USP49: variants seen among roughly 807,000 people sequenced by gnomAD.
USP49 encodes ubiquitin specific peptidase 49.
In USP49, 24 loss-of-function variants were observed where a neutral mutation model predicts 58.6. That is an observed-to-expected ratio of 0.41 (90% CI 0.30 to 0.58). The LOEUF is 0.58. USP49 is among the 20% of genes least tolerant of loss of function. The probability of loss-of-function intolerance (pLI) is 0.30; values close to 1 mark genes in which losing one functional copy is unlikely to be tolerated. For missense variants in USP49, 703 were observed against 866.1 expected, an observed-to-expected ratio of 0.81 and a Z score of 2.36; for synonymous variants, 408 against 365.1, an observed-to-expected ratio of 1.12 and a Z score of -1.34.
intron 3 of USP49, among the ~76,000 whole-genome samples, chr6:41,850,462 AAAAT>A (rs1554146451): frequency 4.1e-5 from 6 of 146,784 alleles, no homozygotes; most frequent in Admixed American, 1.4e-4. Flanking sequence ...AAAAAAAAAA[AAAAT>A]AAATAAATAA....
At chr6:41,877,241 G>GAAAT in intron 2 of USP49, among the ~76,000 whole-genome samples, 1 of 152,274 alleles carries the variant, frequency 6.6e-6, no homozygotes, top group East Asian at 1.9e-4. Context: ...GAATTATTGT[G>GAAAT]AAATACAAAG....
chr6:41,885,616 T>C (rs1046626566), intron 2 of USP49, among the ~76,000 whole-genome samples: 1 of 152,102 alleles, frequency 6.6e-6, no homozygotes, highest in Middle Eastern at 3.2e-3. Flanking sequence ...CTGGCCAACA[T>C]GTCGAAACCT....
intron 3 of USP49, among the ~76,000 whole-genome samples, chr6:41,821,723 G>A (rs537297488): frequency 3.9e-5 from 6 of 152,198 alleles, no homozygotes; most frequent in South Asian, 2.1e-4. Context: ...GCAGTGAGCC[G>A]AGATCGCACC....
chr6:41,863,680 G>A (rs77947436), intron 3 of USP49, among the ~76,000 whole-genome samples: 2,524 of 152,218 alleles, frequency 0.017, 54 homozygotes, highest in African/African-American at 0.05. Flanking sequence ...GTATGTGATA[G>A]TGCCTAGCAC....
rs62396750 is a variant in USP49, at chr6:41,831,763, A to G, written c.-28-24752T>C. On this transcript the variant is annotated intron_variant, in intron 3 of 7. Transcript: ENST00000682992. The stretch of plus-strand genomic sequence containing the variant: ...TTTTAATGGGCTGTCTGTATGATAA[A>G]GTCCAAGTTCCTCAGACAGACCTTC... Among the ~76,000 whole-genome samples, 265 of 152,312 alleles carry G rather than the reference A, an allele frequency of 1.7e-3. 1 individual carries two copies. The highest frequency in any genetic ancestry group is 3.1e-3 in the Non-Finnish European group (210 of 68,026).
At chr6:41,817,495 T>C (rs1310071254) in intron 3 of USP49, among the ~76,000 whole-genome samples, 2 of 145,680 alleles carry the variant, frequency 1.4e-5, no homozygotes, top group Non-Finnish European at 3.0e-5. Flanking sequence ...AGTCTTGCTC[T>C]GTCGCCCAGG....
chr6:41,839,436 A>AAAAAAAT (rs71545918), intron 3 of USP49, among the ~76,000 whole-genome samples: 1 of 132,908 alleles, frequency 7.5e-6, no homozygotes, highest in Non-Finnish European at 1.6e-5. Context: ...AAAAAAAAAA[A>AAAAAAAT]GTCTGCAAGA....
At chr6:41,819,397 T>C (rs1773415170) in intron 3 of USP49, among the ~76,000 whole-genome samples, 1 of 152,144 alleles carries the variant, frequency 6.6e-6, no homozygotes, top group African/African-American at 2.4e-5. Flanking sequence ...AAAGGAATCA[T>C]GGTTCATCCC....
intron 3 of USP49, among the ~76,000 whole-genome samples, chr6:41,838,887 A>G (rs1157605722): frequency 6.6e-6 from 1 of 152,202 alleles, no homozygotes; most frequent in Non-Finnish European, 1.5e-5. Context: ...ATCCTCTCAG[A>G]CCACAGTGGA....
chr6:41,819,492 A>C (rs1315259268), intron 3 of USP49, among the ~76,000 whole-genome samples: 4 of 152,158 alleles, frequency 2.6e-5, no homozygotes, highest in African/African-American at 9.7e-5. Context: ...TACATATCAA[A>C]GTGTATATAT....
intron 3 of USP49, among the ~76,000 whole-genome samples, chr6:41,870,964 T>C (rs560343782): frequency 1.3e-5 from 2 of 151,936 alleles, no homozygotes; most frequent in South Asian, 4.2e-4. Flanking sequence ...GGCAAGAGAA[T>C]TGCTTGCACC....
At chr6:41,870,867 C>T (rs1036459084) in intron 3 of USP49, among the ~76,000 whole-genome samples, 2 of 151,894 alleles carry the variant, frequency 1.3e-5, no homozygotes, top group African/African-American at 2.4e-5. Flanking sequence ...GCCTGGCCAA[C>T]ATAATGAAAC....
chr6:41,849,042 A>C (rs575999408), intron 3 of USP49, among the ~76,000 whole-genome samples: 4 of 152,248 alleles, frequency 2.6e-5, no homozygotes, highest in African/African-American at 7.2e-5. Context: ...ACTGGAGTTA[A>C]AAAAGGATCC....
chr6:41,851,952 C>CAAA (rs67716441), intron 3 of USP49, among the ~76,000 whole-genome samples: 189 of 54,740 alleles, frequency 3.5e-3, no homozygotes, highest in East Asian at 8.1e-3. Context: ...AGACTCGTCT[C>CAAA]AAAAAAAAAA....
At chr6:41,820,926 G>A (rs539895025) in intron 3 of USP49, among the ~76,000 whole-genome samples, 213 of 152,220 alleles carry the variant, frequency 1.4e-3, no homozygotes, top group Non-Finnish European at 2.4e-3. Context: ...GATTGAGCCC[G>A]AGAGGTTGAG....
At chr6:41,881,046 C>T (rs1336401228) in intron 2 of USP49, among the ~76,000 whole-genome samples, 1 of 151,928 alleles carries the variant, frequency 6.6e-6, no homozygotes, top group Non-Finnish European at 1.5e-5. Context: ...AATTCTCCTG[C>T]CTCAGCCTCC....
At position 41,802,456 on chromosome 6, in the gene USP49, A is replaced by ATTTTTT. The variant is rs1186521851; in HGVS notation, c.1561+1349_1561+1350insAAAAAA. On this transcript the variant is annotated intron_variant, in intron 5 of 7. Coordinates refer to ENST00000682992, the MANE Select transcript of USP49 (RefSeq NM_001286554.2). ...TATTTATTTATTTATTTATTTATTT[A>ATTTTTT]TTTATTTATTTATTTTTTATTTATT... Among the ~76,000 whole-genome samples, 31 of 70,270 alleles carry ATTTTTT rather than the reference A, an allele frequency of 4.4e-4. 1 individual carries two copies. Among genetic ancestry groups the ATTTTTT allele is most frequent in the African/African-American group, 5.3e-4 (9 of 17,130 alleles). 46.1% of individuals were successfully genotyped at this position (70,270 alleles called of 152,430 possible).
chr6:41,810,664 A>G (rs997409489), intron 3 of USP49, among the ~76,000 whole-genome samples: 2 of 149,264 alleles, frequency 1.3e-5, no homozygotes, highest in Non-Finnish European at 3.0e-5. Flanking sequence ...CTCCTGCCTC[A>G]GCCTCCCTAG....
intron 3 of USP49, among the ~76,000 whole-genome samples, chr6:41,850,601 G>A (rs1774010094): frequency 6.6e-6 from 1 of 151,274 alleles, no homozygotes; most frequent in South Asian, 2.1e-4. Flanking sequence ...AGAATAAATG[G>A]ATAAATTCTT....
Sources: gnomAD v4.1 joint callset for allele counts (sites outside exome capture counted in the v4.1 genomes callset) on GRCh38, gnomAD v4.1.1 for gene constraint, MANE v1.5 for transcripts, NCBI Gene and HGNC (gene_info 2026-07-23, HGNC 2026-07-21) for gene names.